The following TFDP2 variants were observed in gnomAD, a reference collection of about 807,000 sequenced individuals.
TFDP2 encodes the protein transcription factor Dp-2, also known as transcription factor Dp-2 (E2F dimerization partner 2).
In TFDP2, 17 loss-of-function variants were observed where a neutral mutation model predicts 59.3. The ratio of observed to expected loss-of-function variants is 0.29; its 90% CI spans 0.20 to 0.43. The LOEUF is 0.43. Ranked by LOEUF, TFDP2 falls within the 20% of genes least tolerant of loss-of-function variation. The pLI is 1.00. For synonymous variants in TFDP2, 180 were observed against 194.7 expected (o/e 0.92, Z 0.63); for missense variants, 391 against 528.8 (o/e 0.74, Z 2.56).
chr3:141,999,316 T>A (rs557148023), intron 4 of TFDP2, among the ~76,000 whole-genome samples: 2 of 152,246 alleles, frequency 1.3e-5, no homozygotes, highest in African/African-American at 4.8e-5. Flanking sequence ...CATATTAACA[T>A]ATGAAATAAC....
intron 3 of TFDP2, among the ~76,000 whole-genome samples, chr3:142,014,752 T>C (rs1032453712): frequency 6.6e-6 from 1 of 152,122 alleles, no homozygotes; most frequent in African/African-American, 2.4e-5. Context: ...CATCACAATC[T>C]TTCCCTCTCT....
intron 6 of TFDP2, among the ~76,000 whole-genome samples, chr3:141,979,522 C>T (rs1273699430): frequency 6.6e-6 from 1 of 152,124 alleles, no homozygotes; most frequent in Non-Finnish European, 1.5e-5. Flanking sequence ...TCCAGTAGGA[C>T]AAAATGTGGA....
intron 1 of TFDP2, among the ~76,000 whole-genome samples, chr3:142,139,073 GGATA>G (rs1020322852): frequency 2.0e-5 from 3 of 152,196 alleles, no homozygotes; most frequent in African/African-American, 7.2e-5. Context: ...TATACATTTA[GGATA>G]GTTAGCTCTT....
chr3:141,978,736 T>C, intron 6 of TFDP2, 54 bp from the exon 7 acceptor site: 1 of 1,312,800 alleles, frequency 7.6e-7, no homozygotes, highest in South Asian at 1.7e-5. Flanking sequence ...AGACTTTCTT[T>C]ACAAATCTCT....
chr3:141,953,074 G>GT (rs1450080353), intron 11 of TFDP2, 58 bp from the exon 12 acceptor site: 1 of 1,246,508 alleles, frequency 8.0e-7, no homozygotes, highest in African/African-American at 1.5e-5. Context: ...GGCTGCTGTT[G>GT]TTACAGTCTG....
intron 3 of TFDP2, among the ~76,000 whole-genome samples, chr3:142,084,665 A>T (rs569155344): frequency 6.6e-6 from 1 of 152,314 alleles, no homozygotes; most frequent in South Asian, 2.1e-4. Context: ...AGATCCTGTC[A>T]TTCACAATAT....
chr3:142,137,289 G>A (rs552316306), intron 1 of TFDP2, among the ~76,000 whole-genome samples: 22 of 152,236 alleles, frequency 1.4e-4, no homozygotes, highest in African/African-American at 4.8e-4. Flanking sequence ...GGGCTGAGAC[G>A]ATGGGGTTTT....
At chr3:142,113,607 C>A (rs2108677642) in intron 1 of TFDP2, among the ~76,000 whole-genome samples, 1 of 152,102 alleles carries the variant, frequency 6.6e-6, no homozygotes, top group South Asian at 2.1e-4. Context: ...TATAGACAAA[C>A]TGTTGTATAA....
At chr3:142,132,040 T>C (rs1467168914) in intron 1 of TFDP2, among the ~76,000 whole-genome samples, 2 of 148,576 alleles carry the variant, frequency 1.3e-5, no homozygotes, top group Non-Finnish European at 2.9e-5. Context: ...CAAAACCTTG[T>C]ATAAAAATGT....
chr3:142,139,418 G>A (rs2062854718), intron 1 of TFDP2, among the ~76,000 whole-genome samples: 1 of 152,164 alleles, frequency 6.6e-6, no homozygotes, highest in Admixed American at 6.5e-5. Flanking sequence ...TATGATGTTA[G>A]CTGGTTATTT....
At chr3:142,028,675 C>T (rs1026570288) in intron 3 of TFDP2, 65 of 985,208 alleles carry the variant, frequency 6.6e-5, no homozygotes, top group Non-Finnish European at 7.2e-5. Flanking sequence ...CAGACGTAAG[C>T]AATCGAGCTC....
chr3:142,073,275 AT>A (rs1330822109), intron 3 of TFDP2, among the ~76,000 whole-genome samples: 1 of 152,092 alleles, frequency 6.6e-6, no homozygotes, highest in Non-Finnish European at 1.5e-5. Flanking sequence ...GTCTCACCAT[AT>A]TGCCCAATCT....
At chr3:142,109,955 G>A (rs1161480345) in intron 1 of TFDP2, among the ~76,000 whole-genome samples, 1 of 152,032 alleles carries the variant, frequency 6.6e-6, no homozygotes, top group Non-Finnish European at 1.5e-5. Flanking sequence ...TCAACTTACT[G>A]TAACCTCCGC....
chr3:142,045,154 CTTT>C (rs566115352), intron 3 of TFDP2, among the ~76,000 whole-genome samples: 1 of 137,750 alleles, frequency 7.3e-6, no homozygotes, highest in Non-Finnish European at 1.6e-5. Context: ...AATCTCTTTC[CTTT>C]TTTTTTTTTT....
intron 3 of TFDP2, among the ~76,000 whole-genome samples, chr3:142,072,608 T>C (rs1354191768): frequency 2.6e-5 from 4 of 152,168 alleles, no homozygotes; most frequent in Non-Finnish European, 4.4e-5. Context: ...GTCTGGGGGA[T>C]CTTGCAGTGC....
chr3:142,104,734 T>TA (rs1346860377), intron 1 of TFDP2, among the ~76,000 whole-genome samples: 1 of 152,158 alleles, frequency 6.6e-6, no homozygotes, highest in Non-Finnish European at 1.5e-5. Context: ...GTACTTAGGG[T>TA]ATATTTATAT....
chr3:142,088,717 C>T (rs2108606454), intron 3 of TFDP2, among the ~76,000 whole-genome samples: 1 of 150,118 alleles, frequency 6.7e-6, no homozygotes, highest in Non-Finnish European at 1.5e-5. Flanking sequence ...CTCAGGAAAT[C>T]CTTCCACCTC....
intron 3 of TFDP2, among the ~76,000 whole-genome samples, chr3:142,022,871 C>A (rs1413051013): frequency 6.6e-6 from 1 of 152,090 alleles, no homozygotes; most frequent in Non-Finnish European, 1.5e-5. Context: ...GCCTGAATCC[C>A]AGCACTTTGG....
chr3:142,052,303 C>T (rs1215132568), intron 3 of TFDP2, among the ~76,000 whole-genome samples: 3 of 151,956 alleles, frequency 2.0e-5, no homozygotes, highest in Non-Finnish European at 4.4e-5. Context: ...TTTGGGAGGC[C>T]AAGGCGGGCA....
Sources: allele counts gnomAD v4.1 joint callset (sites outside exome capture counted in the v4.1 genomes callset), GRCh38; gene constraint gnomAD v4.1.1; transcripts MANE v1.5; gene names NCBI Gene and HGNC (gene_info 2026-07-23, HGNC 2026-07-21).